Variants in SARDH observed in about 807,000 individuals in gnomAD.
The protein encoded by SARDH is sarcosine dehydrogenase.
A neutral mutation model predicts 109.1 loss-of-function variants in SARDH; 95 were observed. The observed-to-expected ratio is 0.87, with a 90% CI of 0.74 to 1.03. SARDH has a LOEUF of 1.03. Among genes scored for constraint, SARDH ranks in the 50% least tolerant of loss-of-function variants. The probability of loss-of-function intolerance (pLI) is 0.00; values close to 1 mark genes in which losing one functional copy is unlikely to be tolerated. For synonymous variants in SARDH, 572 were observed against 534.8 expected (o/e 1.07, Z -0.96); for missense variants, 1,267 against 1,287.8 (o/e 0.98, Z 0.25).
intron 20 of SARDH, among the ~76,000 whole-genome samples, chr9:133,665,082 G>A (rs543000055): frequency 6.6e-6 from 1 of 152,158 alleles, no homozygotes; most frequent in Non-Finnish European, 1.5e-5. Flanking sequence ...GGGTGTGACT[G>A]TAGCATTTGC....
At chr9:133,696,071 G>A in intron 14 of SARDH, 152 bp downstream of exon 14, 1 of 739,990 alleles carries the variant, frequency 1.4e-6, no homozygotes, top group South Asian at 1.8e-5. Flanking sequence ...GGCAAAGGGG[G>A]CCGGACGGGG....
intron 10 of SARDH, 89 bp from the exon 11 acceptor site, chr9:133,708,517 G>A: frequency 6.8e-7 from 1 of 1,475,142 alleles, no homozygotes; most frequent in Non-Finnish European, 9.0e-7. Context: ...CTGGACCCCG[G>A]TCCCCTGCAC....
chr9:133,694,203 C>T (rs1465820963), intron 15 of SARDH, 55 bp downstream of exon 15: 4 of 1,306,454 alleles, frequency 3.1e-6, no homozygotes, highest in East Asian at 5.0e-5. Flanking sequence ...CCACAACCAC[C>T]AGTCCACAGA....
In SARDH at chr9:133,726,394, A is replaced by ATAG. The variant is rs71310993; in HGVS notation, c.915+3368_915+3370dup. ...AATAATAATAATAATAATAATAATA[A>ATAG]TAGTAGTAGTAGTAGTAGTAGTTAT... On this transcript the variant is annotated intron_variant, in intron 6 of 20. Coordinates refer to ENST00000439388, the MANE Select transcript of SARDH (RefSeq NM_001134707.2). 7.5e-3 allele frequency among the ~76,000 whole-genome samples: 989 copies of ATAG among 132,272 alleles called. 23 individuals are homozygous for ATAG. The highest frequency in any genetic ancestry group is 0.022 in the African/African-American group (809 of 36,220). 86.8% of individuals were successfully genotyped at this position (132,272 alleles called of 152,430 possible). A position where few individuals can be genotyped will look rare whatever the true frequency, so the allele number is the denominator to read the frequency against.
intron 17 of SARDH, among the ~76,000 whole-genome samples, chr9:133,681,839 C>T (rs557512791): frequency 6.6e-6 from 1 of 152,296 alleles, no homozygotes; most frequent in African/African-American, 2.4e-5. Context: ...CACCTCCCCG[C>T]CGCCTATTTC....
In SARDH at chr9:133,693,288, G is replaced by A. The variant is rs963154310; in HGVS notation, c.1921+970C>T. On this transcript the variant is annotated intron_variant, in intron 15 of 20. Transcript: ENST00000439388. The surrounding 1 kb of genome is among the most constrained non-coding windows in gnomAD (Gnocchi z 5.6). Reference sequence around the variant, plus strand: ...GCTCAATGACTGCTGCCGAAGGTGCGGGTTATGAGCTGATCATGAATGAGC... The same window carrying A: ...GCTCAATGACTGCTGCCGAAGGTGCAGGTTATGAGCTGATCATGAATGAGC... 1.1e-4 allele frequency among the ~76,000 whole-genome samples: 16 copies of A among 152,252 alleles called. No homozygotes were observed. The highest frequency in any genetic ancestry group is 3.1e-4 in the African/African-American group (13 of 41,546).
At chr9:133,690,672 T>C in intron 15 of SARDH, 145 bp from the exon 16 acceptor site, 1 of 920,102 alleles carries the variant, frequency 1.1e-6, no homozygotes, top group Non-Finnish European at 1.6e-6. Context: ...ACCGTATCTG[T>C]CCCTCCCTGG....
At chr9:133,696,984 C>T (rs556004426) in intron 13 of SARDH, among the ~76,000 whole-genome samples, 1 of 151,790 alleles carries the variant, frequency 6.6e-6, no homozygotes, top group African/African-American at 2.4e-5. Flanking sequence ...AAATAAGAAT[C>T]GAAAAATAGG....
At chr9:133,738,959 C>G (rs985783446), upstream of SARDH, among the ~76,000 whole-genome samples, 1 of 152,218 alleles carries the variant, frequency 6.6e-6, no homozygotes, top group African/African-American at 2.4e-5. Flanking sequence ...CAGCACGTAG[C>G]CCCCAGGGCA....
intron 17 of SARDH, among the ~76,000 whole-genome samples, chr9:133,684,172 C>T (rs1237108747): frequency 1.3e-5 from 2 of 152,212 alleles, no homozygotes; most frequent in Non-Finnish European, 2.9e-5. Flanking sequence ...CCCAGCGGAC[C>T]CTTGGCCATG....
Position 133,731,312 on chromosome 9 carries a change from C to A in SARDH, c.683G>T (p.Gly228Val). Residue 228 changes from glycine (G) to valine (V), a missense_variant, in exon 4 of 21, where the codon GGA (glycine) becomes GTA (valine). By Grantham distance (109) the Gly-to-Val change is moderately radical. Coordinates refer to ENST00000439388, the MANE Select transcript of SARDH (RefSeq NM_001134707.2). ...CCAGGCGGCCATCAGTACCTGTGCTCCTCGGGCAGAAGCTGCCCTGGCGAG... is the reference window on the plus strand; with the variant it reads ...CCAGGCGGCCATCAGTACCTGTGCTACTCGGGCAGAAGCTGCCCTGGCGAG... ...TTLARAASAR[G>V]AQVIENCPVT... 1.9e-6 allele frequency: 3 copies of A among 1,614,062 alleles called. No individual in the cohort carries two copies. Among genetic ancestry groups the A allele is most frequent in the Non-Finnish European group, 2.5e-6 (3 of 1,179,992 alleles).
At chr9:133,719,176 A>T in intron 6 of SARDH, 134 bp from the exon 7 acceptor site, 1 of 685,068 alleles carries the variant, frequency 1.5e-6, no homozygotes, top group Non-Finnish European at 2.6e-6. Context: ...TAGGACCCCG[A>T]GGACAGAGTG....
In SARDH at chr9:133,675,998, G is replaced by A. The variant is rs142592810; in HGVS notation, c.2164-4301C>T. Among the ~76,000 whole-genome samples, 50 of 148,428 alleles carry A rather than the reference G, an allele frequency of 3.4e-4. 1 individual carries two copies. The Middle Eastern group carries it at 0.01, about 30-fold the overall frequency. On this transcript the variant is annotated intron_variant, in intron 17 of 20. Transcript: ENST00000439388. The stretch of plus-strand genomic sequence containing the variant: ...GTCCCAGCTACTTGGAAGGCTGAAG[G>A]GGGGAGGATCACTTGAGACCAGGAG...
At chr9:133,697,563 G>C (rs138162029) in intron 13 of SARDH, among the ~76,000 whole-genome samples, 2 of 152,290 alleles carry the variant, frequency 1.3e-5, no homozygotes, top group African/African-American at 4.8e-5. Context: ...ATAGGAAAGA[G>C]ATTACACACC....
At chr9:133,724,808 G>A (rs998218620) in intron 6 of SARDH, among the ~76,000 whole-genome samples, 1 of 152,084 alleles carries the variant, frequency 6.6e-6, no homozygotes, top group Non-Finnish European at 1.5e-5. Context: ...ACTCCAGTGA[G>A]CATTTCATTT....
intron 1 of SARDH, among the ~76,000 whole-genome samples, chr9:133,735,592 GTAACTGAGCTCGTGT>G (rs1832856605): frequency 6.6e-6 from 1 of 152,234 alleles, no homozygotes; most frequent in South Asian, 2.1e-4. Context: ...CGTTTGCACT[GTAACTGAGCTCGTGT>G]TAACTGAGCT....
rs146673246 is a variant in SARDH, at chr9:133,677,002, G to A, written c.2164-5305C>T. 2.0e-3 allele frequency among the ~76,000 whole-genome samples: 297 copies of A among 152,234 alleles called. 5 individuals carry two copies. In the East Asian group the frequency reaches 0.041, roughly 21 times the overall value. ...AAAAATACAAAAATTAGCTGGCTGT[G>A]GTGATGGGCACCTTTAGTCCCAGCT... On this transcript the variant is annotated intron_variant, in intron 17 of 20. Coordinates refer to ENST00000439388, the MANE Select transcript of SARDH (RefSeq NM_001134707.2).
intron 17 of SARDH, among the ~76,000 whole-genome samples, chr9:133,676,503 T>C (rs933234805): frequency 2.6e-5 from 4 of 152,120 alleles, no homozygotes; most frequent in Admixed American, 6.5e-5. Flanking sequence ...GCAAACCAAC[T>C]CCTTTTCTTC....
intron 17 of SARDH, among the ~76,000 whole-genome samples, chr9:133,681,544 G>A (rs894582981): frequency 2.2e-4 from 34 of 152,292 alleles, no homozygotes; most frequent in African/African-American, 7.0e-4. Flanking sequence ...TGAGCCCATC[G>A]AGGGAAGGAG....
Sources: gnomAD v4.1 joint callset for allele counts (sites outside exome capture counted in the v4.1 genomes callset) on GRCh38, gnomAD v4.1.1 for gene constraint, Gnocchi (gnomAD v3.1) non-coding constraint, MANE v1.5 for transcripts, NCBI Gene and HGNC (gene_info 2026-07-23, HGNC 2026-07-21) for gene names.